The following CDHR3 variants were observed in gnomAD, a reference collection of about 807,000 sequenced individuals.
CDHR3 encodes the protein cadherin related family member 3, also known as cadherin-related family member 3.
In CDHR3, 79 loss-of-function variants were observed where a neutral mutation model predicts 86.6. That is an observed-to-expected ratio of 0.91 (90% CI 0.76 to 1.10). The LOEUF (loss-of-function observed/expected upper bound fraction) is 1.10. CDHR3 is among the 50% of genes least tolerant of loss of function. The pLI is 0.00. For synonymous variants in CDHR3, 421 were observed against 402.4 expected, an observed-to-expected ratio of 1.05 and a Z score of -0.55; for missense variants, 1,081 against 1,077.6, an observed-to-expected ratio of 1.00 and a Z score of -0.04.
At chr7:105,991,280 C>T (rs1408535333) in intron 4 of CDHR3, among the ~76,000 whole-genome samples, 1 of 152,094 alleles carries the variant, frequency 6.6e-6, no homozygotes, top group East Asian at 1.9e-4. Context: ...GGCCACATGA[C>T]ACAATATTTT....
Position 105,996,172 on chromosome 7 carries a change from C to T in CDHR3, c.609-78C>T, listed in dbSNP as rs937242827. 4 of 774,102 alleles carry T rather than the reference C, an allele frequency of 5.2e-6. No homozygotes were observed. In the Admixed American group the frequency reaches 8.2e-5, roughly 16 times the overall value. 48.0% of individuals were successfully genotyped at this position (774,102 alleles called of 1,614,324 possible). ...GCAGGGTCTGCTCTCACTCCTCCCA[C>T]CCCATGATTTTCCCCATCCTATTTT... On this transcript the variant is annotated intron_variant, in intron 5 of 18. Transcript: ENST00000317716.
In CDHR3 at chr7:105,987,229, G is replaced by A. The variant is rs565290336; in HGVS notation, c.513+2940G>A. On this transcript the variant is annotated intron_variant, in intron 4 of 18. Coordinates refer to ENST00000317716, the MANE Select transcript of CDHR3 (RefSeq NM_152750.5). The stretch of plus-strand genomic sequence containing the variant: ...AATGTAGTGCCATCAAAAGCATTCT[G>A]AGAGCAGCTGCGGGGGCTTGTGGCT... Among the ~76,000 whole-genome samples, 15 of 152,298 alleles carry A rather than the reference G, an allele frequency of 9.8e-5. 1 individual carries two copies. The South Asian group carries it at 2.5e-3, about 25-fold the overall frequency.
chr7:105,990,459 G>C (rs1585622437), intron 4 of CDHR3, among the ~76,000 whole-genome samples: 2 of 152,196 alleles, frequency 1.3e-5, no homozygotes, highest in Non-Finnish European at 2.9e-5. Context: ...AAAACAAAGA[G>C]AGGAATTGAG....
At chr7:106,017,424 T>C (rs1835804980) in intron 11 of CDHR3, among the ~76,000 whole-genome samples, 1 of 151,816 alleles carries the variant, frequency 6.6e-6, no homozygotes, top group African/African-American at 2.4e-5. Context: ...CCAGGTGTGG[T>C]CGTGGGCACC....
intron 4 of CDHR3, among the ~76,000 whole-genome samples, chr7:105,993,786 A>G (rs1488921537): frequency 1.3e-5 from 2 of 152,026 alleles, no homozygotes; most frequent in African/African-American, 2.4e-5. Flanking sequence ...TTGTGGAAGA[A>G]ACAGAGCAAT....
At chr7:106,012,729 G>A in intron 8 of CDHR3, 131 bp from the exon 9 acceptor site, 1 of 966,614 alleles carries the variant, frequency 1.0e-6, no homozygotes, top group Non-Finnish European at 1.5e-6. Flanking sequence ...CCAGTTAGGA[G>A]GTGACTGCAA....
chr7:105,991,152 A>G (rs780065454), intron 4 of CDHR3, among the ~76,000 whole-genome samples: 30 of 152,194 alleles, frequency 2.0e-4, no homozygotes, highest in East Asian at 3.8e-4. Flanking sequence ...TTTTCATTCT[A>G]TTTAATTTCT....
intron 6 of CDHR3, among the ~76,000 whole-genome samples, 161 bp downstream of exon 6, chr7:105,996,515 T>C (rs1047067602): frequency 1.3e-5 from 2 of 152,212 alleles, no homozygotes; most frequent in African/African-American, 4.8e-5. Flanking sequence ...TATCTGGGCC[T>C]CTGGACTGCT....
intron 1 of CDHR3, among the ~76,000 whole-genome samples, chr7:105,974,420 C>T (rs777662725): frequency 4.6e-5 from 7 of 152,132 alleles, no homozygotes; most frequent in East Asian, 1.9e-4. Flanking sequence ...AGATTGCTGA[C>T]GCAGAGAAGG....
chr7:106,032,402 A>C lies in CDHR3; in HGVS notation c.2363A>C (p.Glu788Ala). ...DGEAIDPVTG[E>A]TYEFNSKTGA... ...ATTTTTTTTTCACTAGTGACCGGGG[A>C]AACATATGAATTCAACTCAAAAACT... is the stretch of plus-strand genomic sequence containing the variant. The change falls in exon 19 of 19, where the codon GAA becomes GCA. Residue 788 changes from glutamate to alanine, a missense_variant. Coordinates refer to ENST00000317716, the MANE Select transcript of CDHR3 (RefSeq NM_152750.5). 6.2e-7 allele frequency: 1 copy of C among 1,605,380 alleles called. No individual in the cohort carries two copies. Among genetic ancestry groups the C allele is most frequent in the Non-Finnish European group, 8.5e-7 (1 of 1,174,050 alleles).
In CDHR3 at chr7:106,034,839, A is replaced by G. The variant is rs571322060; in HGVS notation, c.*2142A>G. Among the ~76,000 whole-genome samples, 13 of 152,346 alleles carry G rather than the reference A, an allele frequency of 8.5e-5. No homozygotes were observed. In the South Asian group the frequency reaches 2.7e-3, roughly 32 times the overall value. ...ATGCCTGTAATCCCAGCACTCTGGG[A>G]GGCTGAGGCAGGTGGATCACCTGAG... On this transcript the variant is annotated 3_prime_UTR_variant, in exon 19 of 19. Transcript: ENST00000317716.
chr7:106,000,442 C>T (rs1295434959), intron 6 of CDHR3, among the ~76,000 whole-genome samples: 2 of 152,212 alleles, frequency 1.3e-5, no homozygotes, highest in Non-Finnish European at 2.9e-5. Flanking sequence ...GATAGCACAG[C>T]AGAAATATTC....
At chr7:106,028,952 C>CTTTCTT (rs1554532814) in intron 17 of CDHR3, among the ~76,000 whole-genome samples, 1 of 145,978 alleles carries the variant, frequency 6.9e-6, no homozygotes, top group Admixed American at 6.9e-5. Context: ...TTCTTTCTTT[C>CTTTCTT]TTTCTTTCTT....
At chr7:105,984,107 G>A in intron 3 of CDHR3, 85 bp from the exon 4 acceptor site, 1 of 693,402 alleles carries the variant, frequency 1.4e-6, no homozygotes. Context: ...TGGTTCCCTT[G>A]GTTGTGTACA....
intron 4 of CDHR3, among the ~76,000 whole-genome samples, chr7:105,991,011 G>A (rs1444355194): frequency 6.6e-6 from 1 of 152,208 alleles, no homozygotes; most frequent in Non-Finnish European, 1.5e-5. Context: ...AGAAACCTGG[G>A]GTGGTGGTAA....
chr7:106,005,655 T>C (rs552245878), intron 8 of CDHR3, among the ~76,000 whole-genome samples: 1 of 152,328 alleles, frequency 6.6e-6, no homozygotes, highest in Non-Finnish European at 1.5e-5. Flanking sequence ...TCCAGGCGAC[T>C]CTGGACATAG....
Position 106,030,945 on chromosome 7 carries a change from C to A in CDHR3, c.2353+105C>A. On this transcript the variant is annotated intron_variant, in intron 18 of 18. Transcript: ENST00000317716. The surrounding 1 kb of genome is among the most constrained non-coding windows in gnomAD (Gnocchi z 4.8). ...CCTGCTTTTAGCTCATTTTGTCAATCCGTTTGGCTATGTTGCCTATATAGT... is the reference window on the plus strand; with the variant it reads ...CCTGCTTTTAGCTCATTTTGTCAATACGTTTGGCTATGTTGCCTATATAGT... 1.7e-6 allele frequency: 2 copies of A among 1,150,642 alleles called. No individual in the cohort carries two copies. The highest frequency in any genetic ancestry group is 1.4e-5 in the South Asian group (1 of 73,720). The allele number at this position is 1,150,642 out of a possible 1,614,324, so 71.3% of individuals were successfully genotyped here. A position where few individuals can be genotyped will look rare whatever the true frequency, so the allele number is the denominator to read the frequency against.
intron 17 of CDHR3, 39 bp downstream of exon 17, chr7:106,028,621 G>A (rs1291367639): frequency 6.2e-7 from 1 of 1,611,364 alleles, no homozygotes; most frequent in Non-Finnish European, 8.5e-7. Context: ...CATAGACGCT[G>A]GGGGATAGGG....
At chr7:106,009,625 C>T (rs934757449) in intron 8 of CDHR3, among the ~76,000 whole-genome samples, 2 of 152,168 alleles carry the variant, frequency 1.3e-5, no homozygotes, top group Non-Finnish European at 2.9e-5. Context: ...GCTGTGCTCC[C>T]GCAGGGAGGA....
Sources: gnomAD v4.1 joint callset for allele counts (sites outside exome capture counted in the v4.1 genomes callset) on GRCh38, gnomAD v4.1.1 for gene constraint, Gnocchi (gnomAD v3.1) non-coding constraint, MANE v1.5 for transcripts, NCBI Gene and HGNC (gene_info 2026-07-23, HGNC 2026-07-21) for gene names.